The following NAV2 variants were observed in gnomAD, a reference collection of about 807,000 sequenced individuals.
NAV2 encodes the protein helicase, APC down-regulated 1.
A neutral mutation model predicts 223.2 loss-of-function variants in NAV2; 54 were observed. That is an observed-to-expected ratio of 0.24 (90% CI 0.19 to 0.30). The LOEUF (loss-of-function observed/expected upper bound fraction) is 0.30, where lower values mean the gene tolerates loss of function less well. Ranked by LOEUF, NAV2 falls within the 10% of genes least tolerant of loss-of-function variation. The probability of loss-of-function intolerance (pLI) is 1.00; values close to 1 mark genes in which losing one functional copy is unlikely to be tolerated. For synonymous variants in NAV2, 1,279 were observed against 1,239.3 expected (o/e 1.03, Z -0.67); for missense variants, 2,806 against 3,147.5 (o/e 0.89, Z 2.60).
intron 1 of NAV2, among the ~76,000 whole-genome samples, chr11:19,487,359 C>T (rs546923046): frequency 1.2e-4 from 18 of 152,334 alleles, no homozygotes; most frequent in South Asian, 1.0e-3. Context: ...TAATAAGCAA[C>T]ATTTGACACG....
At chr11:19,941,977 A>C (rs1591348976) in intron 8 of NAV2, among the ~76,000 whole-genome samples, 1 of 152,006 alleles carries the variant, frequency 6.6e-6, no homozygotes, top group Admixed American at 6.6e-5. Flanking sequence ...CTTTTGTAAC[A>C]CTTTGATATC....
Position 19,713,700 on chromosome 11 carries a change from C to T in NAV2, c.5C>T (p.Pro2Leu). 2 of 1,562,080 alleles carry T rather than the reference C, an allele frequency of 1.3e-6. No homozygotes were observed. Among genetic ancestry groups the T allele is most frequent in the Non-Finnish European group, 1.7e-6 (2 of 1,150,566 alleles). M[P>L]AILVASKMKS... The stretch of plus-strand genomic sequence containing the variant: ...AAGCCCAAGCCCCGGGAGAAGATGC[C>T]GGCCATCCTGGTCGCCTCCAAAATG... Residue 2 changes from proline (P) to leucine (L), a missense_variant, in exon 1 of 38, where the codon CCG becomes CTG. Transcript: ENST00000349880. This position sits in a 1 kb window ranked among gnomAD's most constrained non-coding sequence, Gnocchi z 7.2.
chr11:19,887,364 A>G (rs2041100719), intron 5 of NAV2, among the ~76,000 whole-genome samples: 1 of 151,706 alleles, frequency 6.6e-6, no homozygotes, highest in Admixed American at 6.6e-5. Context: ...GGCTTATTTT[A>G]CCTGCAGGAA....
chr11:19,603,538 G>T (rs562953267), intron 1 of NAV2, among the ~76,000 whole-genome samples: 1 of 150,214 alleles, frequency 6.7e-6, no homozygotes, highest in South Asian at 2.1e-4. Context: ...GAGGCAGGAG[G>T]ATCGCTTGGA....
chr11:19,607,285 G>A (rs1202800519), intron 1 of NAV2, among the ~76,000 whole-genome samples: 1 of 152,184 alleles, frequency 6.6e-6, no homozygotes, highest in Non-Finnish European at 1.5e-5. Flanking sequence ...TTTGAAACGG[G>A]GAGCCCTCTT....
chr11:20,025,913 A>G (rs1312460853), intron 11 of NAV2, among the ~76,000 whole-genome samples: 1 of 152,190 alleles, frequency 6.6e-6, no homozygotes. Flanking sequence ...CTGTACTGCA[A>G]CTGACATGCA....
At chr11:19,985,301 G>A (rs73434117) in intron 11 of NAV2, among the ~76,000 whole-genome samples, 7,047 of 152,244 alleles carry the variant, frequency 0.046, 508 homozygotes, top group African/African-American at 0.16. Context: ...GAATCTTCAT[G>A]TTCTCTCAGG....
intron 6 of NAV2, among the ~76,000 whole-genome samples, chr11:19,911,741 G>A (rs1008277355): frequency 4.6e-5 from 7 of 152,100 alleles, no homozygotes; most frequent in Non-Finnish European, 8.8e-5. Flanking sequence ...TTCTTGGTGG[G>A]GGACAGAGCT....
At chr11:20,116,362 T>C (rs1592240097) in intron 37 of NAV2, among the ~76,000 whole-genome samples, 1 of 152,238 alleles carries the variant, frequency 6.6e-6, no homozygotes, top group Non-Finnish European at 1.5e-5. Flanking sequence ...CAGTGGGAAC[T>C]GTATTTTTTA....
chr11:20,061,004 G>C (rs970768049), intron 19 of NAV2, among the ~76,000 whole-genome samples: 2 of 152,190 alleles, frequency 1.3e-5, no homozygotes, highest in African/African-American at 4.8e-5. Context: ...GGTGGTAGAT[G>C]AATGCCATTT....
intron 1 of NAV2, among the ~76,000 whole-genome samples, chr11:19,488,918 C>T (rs1448473298): frequency 6.6e-6 from 1 of 152,182 alleles, no homozygotes; most frequent in African/African-American, 2.4e-5. Context: ...CCCTGTCTGT[C>T]CTGCTTTCTT....
intron 3 of NAV2, among the ~76,000 whole-genome samples, chr11:19,860,701 G>T (rs1468422662): frequency 4.0e-5 from 6 of 151,812 alleles, no homozygotes; most frequent in Admixed American, 3.3e-4. Context: ...GGATGTTGTA[G>T]CGAGCCGAGA....
At chr11:19,596,598 G>A (rs1012994913) in intron 1 of NAV2, among the ~76,000 whole-genome samples, 3 of 152,166 alleles carry the variant, frequency 2.0e-5, no homozygotes, top group Admixed American at 6.5e-5. Context: ...CCACTGCCCC[G>A]GACACCAGGG....
intron 1 of NAV2, among the ~76,000 whole-genome samples, chr11:19,535,455 G>A (rs865883570): frequency 2.2e-4 from 34 of 152,272 alleles, no homozygotes; most frequent in South Asian, 1.7e-3. Context: ...GGAAGATGCA[G>A]CCAGCTTTGC....
intron 1 of NAV2, among the ~76,000 whole-genome samples, chr11:19,528,236 G>T (rs1235815766): frequency 6.6e-6 from 1 of 152,174 alleles, no homozygotes; most frequent in Non-Finnish European, 1.5e-5. Flanking sequence ...AAAGGAGGTG[G>T]TTTGAGGAAG....
At chr11:19,357,185 C>T (rs1853668553) in intron 1 of NAV2, among the ~76,000 whole-genome samples, 1 of 152,126 alleles carries the variant, frequency 6.6e-6, no homozygotes, top group Non-Finnish European at 1.5e-5. Flanking sequence ...CCAGGATTGG[C>T]ACATTTGTTA....
intron 1 of NAV2, among the ~76,000 whole-genome samples, chr11:19,827,173 G>T (rs2059680971): frequency 2.0e-5 from 3 of 152,224 alleles, no homozygotes; most frequent in Middle Eastern, 6.8e-3. Context: ...TTTCCTGAGG[G>T]TTATCGTATT....
intron 1 of NAV2, among the ~76,000 whole-genome samples, chr11:19,618,711 T>C (rs564481924): frequency 4.0e-5 from 6 of 151,774 alleles, no homozygotes; most frequent in Admixed American, 1.3e-4. Flanking sequence ...TAGAGTCAGG[T>C]TGGGGACGTG....
rs1044817462 is a variant in NAV2, at chr11:19,983,977, G to A, written c.2646-148G>A. 2.3e-5 allele frequency: 22 copies of A among 969,694 alleles called. No individual in the cohort carries two copies. In the Admixed American group the frequency reaches 2.9e-4, roughly 13 times the overall value. 60.1% of individuals were successfully genotyped at this position (969,694 alleles called of 1,614,324 possible). A position where few individuals can be genotyped will look rare whatever the true frequency, so the allele number is the denominator to read the frequency against. On this transcript the variant is annotated intron_variant, in intron 10 of 37. Coordinates refer to ENST00000349880, the MANE Select transcript of NAV2 (RefSeq NM_145117.5). ...GGATCAGCAGCTGAGTTATCCTTGG[G>A]CTGTGATCAGTGCCAGAGCCTCAGG...
Sources: gnomAD v4.1 joint callset for allele counts (sites outside exome capture counted in the v4.1 genomes callset) on GRCh38, gnomAD v4.1.1 for gene constraint, Gnocchi (gnomAD v3.1) non-coding constraint, MANE v1.5 for transcripts, NCBI Gene and HGNC (gene_info 2026-07-23, HGNC 2026-07-21) for gene names.